FAM107B: variants seen among roughly 807,000 people sequenced by gnomAD.
The protein encoded by FAM107B is protein FAM107B.
In FAM107B, 21 loss-of-function variants were observed where a neutral mutation model predicts 31.5. The observed-to-expected ratio is 0.67, with a 90% CI of 0.47 to 0.96. The LOEUF (loss-of-function observed/expected upper bound fraction) is 0.96, where lower values mean the gene tolerates loss of function less well. Among genes scored for constraint, FAM107B ranks in the 40% least tolerant of loss-of-function variants. FAM107B has a pLI of 0.00. For missense variants in FAM107B, 452 were observed against 377.1 expected (o/e 1.20, Z -1.64); for synonymous variants, 157 against 141.5 (o/e 1.11, Z -0.78).
chr10:14,546,433 A>G (rs1184745088), intron 2 of FAM107B, among the ~76,000 whole-genome samples: 1 of 152,260 alleles, frequency 6.6e-6, no homozygotes, highest in Non-Finnish European at 1.5e-5. Context: ...ACTGGATGGC[A>G]TCTTTGAAGA....
At chr10:14,586,531 G>A (rs1483569892) in intron 2 of FAM107B, among the ~76,000 whole-genome samples, 1 of 152,100 alleles carries the variant, frequency 6.6e-6, no homozygotes, top group African/African-American at 2.4e-5. Context: ...TCATGAATGG[G>A]ATTAGTGCCC....
intron 1 of FAM107B, among the ~76,000 whole-genome samples, chr10:14,691,702 G>T (rs1855138583): frequency 6.6e-6 from 1 of 152,004 alleles, no homozygotes; most frequent in Non-Finnish European, 1.5e-5. Flanking sequence ...GAGACAGCCT[G>T]GCCAACATGG....
At chr10:14,694,239 A>T (rs1322263007) in intron 1 of FAM107B, among the ~76,000 whole-genome samples, 1 of 152,200 alleles carries the variant, frequency 6.6e-6, no homozygotes, top group Non-Finnish European at 1.5e-5. Context: ...TGTCTAACAG[A>T]GGGATTGCTA....
chr10:14,655,599 C>T (rs2131454565), intron 2 of FAM107B, among the ~76,000 whole-genome samples: 1 of 152,304 alleles, frequency 6.6e-6, no homozygotes, highest in South Asian at 2.1e-4. Context: ...AACACAGTGA[C>T]TGTGCCAAGG....
intron 1 of FAM107B, among the ~76,000 whole-genome samples, chr10:14,699,317 A>G (rs1588714152): frequency 6.6e-6 from 1 of 152,204 alleles, no homozygotes; most frequent in Non-Finnish European, 1.5e-5. Context: ...GTCTCACACA[A>G]TTATGGAGGC....
chr10:14,632,983 G>A (rs1368440853), intron 2 of FAM107B, among the ~76,000 whole-genome samples: 3 of 152,122 alleles, frequency 2.0e-5, no homozygotes, highest in Non-Finnish European at 4.4e-5. Flanking sequence ...CAGATCACTC[G>A]AGGTCAGGAG....
chr10:14,618,317 CT>C (rs1852904945), intron 2 of FAM107B, among the ~76,000 whole-genome samples: 1 of 152,116 alleles, frequency 6.6e-6, no homozygotes, highest in Non-Finnish European at 1.5e-5. Flanking sequence ...ATGAACTTGG[CT>C]TGTTTGCAGT....
intron 1 of FAM107B, among the ~76,000 whole-genome samples, chr10:14,760,953 A>C (rs1373696256): frequency 7.0e-6 from 1 of 142,902 alleles, no homozygotes; most frequent in Non-Finnish European, 1.5e-5. Flanking sequence ...CGAAGGTTGC[A>C]GTGAGCTGAG....
At chr10:14,632,817 G>C (rs567142378) in intron 2 of FAM107B, among the ~76,000 whole-genome samples, 4 of 152,162 alleles carry the variant, frequency 2.6e-5, no homozygotes, top group Admixed American at 1.3e-4. Context: ...ACAGAGACAG[G>C]GGGTACAGGG....
chr10:14,568,032 T>C (rs1047474511), intron 2 of FAM107B, among the ~76,000 whole-genome samples: 1 of 152,210 alleles, frequency 6.6e-6, no homozygotes, highest in Non-Finnish European at 1.5e-5. Flanking sequence ...TGACAAATAC[T>C]GACCCCTGCA....
chr10:14,558,563 C>CATCT (rs1311672270), intron 2 of FAM107B, among the ~76,000 whole-genome samples: 1 of 151,268 alleles, frequency 6.6e-6, no homozygotes, highest in East Asian at 1.9e-4. Context: ...GTGGAGAAGC[C>CATCT]ATCTGGCTAC....
intron 1 of FAM107B, among the ~76,000 whole-genome samples, chr10:14,692,438 A>T (rs1052102420): frequency 6.6e-6 from 1 of 152,130 alleles, no homozygotes; most frequent in African/African-American, 2.4e-5. Flanking sequence ...TTTAGGGACA[A>T]GGGCAGATAA....
chr10:14,556,149 A>T (rs1588573860), intron 2 of FAM107B: 1 of 162,114 alleles, frequency 6.2e-6, no homozygotes, highest in African/African-American at 2.4e-5. Context: ...GAGAAGACAG[A>T]CCAAGCACAT....
intron 2 of FAM107B, among the ~76,000 whole-genome samples, chr10:14,603,549 T>C (rs867153235): frequency 3.9e-5 from 6 of 152,078 alleles, no homozygotes; most frequent in Non-Finnish European, 8.8e-5. Flanking sequence ...GTGGACACCA[T>C]CCCCTACATA....
intron 2 of FAM107B, among the ~76,000 whole-genome samples, chr10:14,618,482 C>T (rs753272788): frequency 1.3e-5 from 2 of 152,088 alleles, no homozygotes; most frequent in Non-Finnish European, 2.9e-5. Context: ...CTTGCCCCCA[C>T]GCCCCCCAAA....
chr10:14,620,145 G>A (rs1281250033), intron 2 of FAM107B, among the ~76,000 whole-genome samples: 2 of 151,080 alleles, frequency 1.3e-5, no homozygotes, highest in East Asian at 2.0e-4. Context: ...CAGCCTCCTG[G>A]GTAGCTGGGA....
chr10:14,723,669 A>G, intron 1 of FAM107B: 1 of 741,576 alleles, frequency 1.3e-6, no homozygotes, highest in Non-Finnish European at 2.5e-6. Flanking sequence ...GCTGGCAGTC[A>G]GCTCTGGGGT....
intron 2 of FAM107B, among the ~76,000 whole-genome samples, chr10:14,560,963 C>T (rs575672223): frequency 6.6e-6 from 1 of 152,154 alleles, no homozygotes; most frequent in African/African-American, 2.4e-5. Context: ...GTGTGGCCAT[C>T]CCGTCATAAT....
intron 1 of FAM107B, among the ~76,000 whole-genome samples, chr10:14,690,019 AAGGAAGGG>A (rs1289418105): frequency 7.5e-5 from 5 of 66,588 alleles, no homozygotes; most frequent in Admixed American, 3.3e-4. Context: ...GGAAGGAAGG[AAGGAAGGG>A]AGGGAGGGAG....
Sources: allele counts gnomAD v4.1 joint callset (sites outside exome capture counted in the v4.1 genomes callset), GRCh38; gene constraint gnomAD v4.1.1; transcripts MANE v1.5; gene names NCBI Gene and HGNC (gene_info 2026-07-23, HGNC 2026-07-21).